ITIH2: variants seen among roughly 807,000 people sequenced by gnomAD.
ITIH2 encodes inter-alpha-trypsin inhibitor heavy chain 2.
Under a neutral mutation model 104.4 loss-of-function variants are expected in ITIH2, and 103 were observed. The ratio of observed to expected loss-of-function variants is 0.99; its 90% CI spans 0.84 to 1.16. The LOEUF is 1.16. ITIH2 is among the 50% of genes most tolerant of loss of function. The pLI is 0.00. For synonymous variants in ITIH2, 436 were observed against 435.4 expected (o/e 1.00, Z -0.02); for missense variants, 1,108 against 1,162.4 (o/e 0.95, Z 0.68).
intron 8 of ITIH2, among the ~76,000 whole-genome samples, chr10:7,723,250 C>T (rs546896714): frequency 1.1e-4 from 17 of 151,614 alleles, no homozygotes; most frequent in Admixed American, 5.9e-4. Flanking sequence ...TGGAGTGGAG[C>T]GGAATGTTCT....
intron 16 of ITIH2, among the ~76,000 whole-genome samples, chr10:7,740,479 G>GA (rs1835114042): frequency 6.6e-6 from 1 of 152,198 alleles, no homozygotes; most frequent in South Asian, 2.1e-4. Flanking sequence ...GTGCCTTTCT[G>GA]ACCAGCAGTT....
chr10:7,747,831 C>T (rs979005042), intron 20 of ITIH2, among the ~76,000 whole-genome samples: 1 of 151,648 alleles, frequency 6.6e-6, no homozygotes. Context: ...CCCAGGAGTT[C>T]GAGGATGAAG....
chr10:7,744,199 G>A lies in ITIH2; in HGVS notation c.2327G>A (p.Ser776Asn). The change falls in exon 18 of 21, where the codon AGC becomes AAC. Residue 776 changes from serine (S) to asparagine (N), a missense_variant. Coordinates refer to ENST00000358415, the MANE Select transcript of ITIH2 (RefSeq NM_002216.3). ...FQSEDIKIEISTETITLSHGS... is the reference protein window; with the variant it reads ...FQSEDIKIEINTETITLSHGS... ...AGTGAAGACATAAAAATAGAAATCA[G>A]CACTGAGACCATCACCCTGAGCCAT... 1 of 1,614,046 alleles carries A rather than the reference G, an allele frequency of 6.2e-7. No individual in the cohort carries two copies. The highest frequency in any genetic ancestry group is 8.5e-7 in the Non-Finnish European group (1 of 1,179,956).
At chr10:7,738,497 A>G (rs1835092995) in intron 15 of ITIH2, 124 bp from the exon 16 acceptor site, 2 of 1,088,178 alleles carry the variant, frequency 1.8e-6, no homozygotes, top group African/African-American at 1.6e-5. Context: ...TCTGGAATAA[A>G]AACAGAGGAG....
intron 7 of ITIH2, 70 bp downstream of exon 7, chr10:7,721,033 T>C (rs1429972012): frequency 1.0e-5 from 10 of 978,616 alleles, no homozygotes; most frequent in Middle Eastern, 2.3e-4. Flanking sequence ...TCTCCTTCTG[T>C]GCTCTGGAGA....
intron 12 of ITIH2, 25 bp from the exon 13 acceptor site, chr10:7,731,786 C>G (rs1389144511): frequency 1.8e-6 from 2 of 1,117,758 alleles, no homozygotes; most frequent in Non-Finnish European, 2.5e-6. Context: ...AACATAATTT[C>G]TCTCTCTCTC....
chr10:7,716,858 G>C (rs1834854621), intron 5 of ITIH2, among the ~76,000 whole-genome samples: 1 of 151,708 alleles, frequency 6.6e-6, no homozygotes, highest in African/African-American at 2.4e-5. Context: ...TATGGGAAGA[G>C]TGTTATCTTT....
intron 15 of ITIH2, among the ~76,000 whole-genome samples, chr10:7,738,248 A>ATTATATATTATATTCTAT (rs1564306126): frequency 1.1e-4 from 13 of 114,892 alleles, no homozygotes; most frequent in Middle Eastern, 4.1e-3. Flanking sequence ...TATTCTATAT[A>ATTATATATTATATTCTAT]ATATTATATA....
At chr10:7,734,504 G>T (rs997911806) in intron 14 of ITIH2, among the ~76,000 whole-genome samples, 11 of 152,196 alleles carry the variant, frequency 7.2e-5, no homozygotes, top group African/African-American at 2.7e-4. Flanking sequence ...AGACCAGCCT[G>T]GGCAACATGG....
At chr10:7,704,484 G>T (rs1224460310) in intron 1 of ITIH2, among the ~76,000 whole-genome samples, 1 of 152,256 alleles carries the variant, frequency 6.6e-6, no homozygotes, top group Non-Finnish European at 1.5e-5. Flanking sequence ...TATGGTTCAT[G>T]TCTGTCCAGT....
chr10:7,718,102 ACTCT>A (rs1442023904), intron 6 of ITIH2, among the ~76,000 whole-genome samples: 2 of 151,118 alleles, frequency 1.3e-5, no homozygotes, highest in Admixed American at 6.6e-5. Flanking sequence ...GCAGAGCTGC[ACTCT>A]CTCTCTCTGG....
intron 5 of ITIH2, among the ~76,000 whole-genome samples, chr10:7,715,681 CACA>C (rs972899951): frequency 1.3e-5 from 2 of 152,168 alleles, no homozygotes; most frequent in Non-Finnish European, 2.9e-5. Flanking sequence ...GCTGACTATC[CACA>C]ACAACTCCCC....
At chr10:7,737,431 G>C (rs1226345420) in intron 15 of ITIH2, among the ~76,000 whole-genome samples, 3 of 109,756 alleles carry the variant, frequency 2.7e-5, no homozygotes, top group African/African-American at 1.2e-4. Flanking sequence ...ATATATACAC[G>C]TGTATATATA....
chr10:7,708,639 C>T (rs115334741), intron 3 of ITIH2, among the ~76,000 whole-genome samples: 1,782 of 152,268 alleles, frequency 0.012, 35 homozygotes, highest in African/African-American at 0.041. Context: ...CTCTTTCAAC[C>T]TCGCAATCCA....
In ITIH2 at chr10:7,719,307, G is replaced by A. The variant is rs17142949; in HGVS notation, c.630+1519G>A. On this transcript the variant is annotated intron_variant, in intron 6 of 20. Transcript: ENST00000358415. ...TTGCGTGAATTGAAAAAAGATGCCC[G>A]TCCTTCAGGCAAATGCAGCGCCATC... Among the ~76,000 whole-genome samples the A allele has an allele frequency of 2.0e-3, 312 of 152,310 alleles. 1 individual carries two copies. Among genetic ancestry groups the A allele is most frequent in the African/African-American group, 6.8e-3 (284 of 41,554 alleles).
chr10:7,743,223 G>A lies in ITIH2; in HGVS notation c.2173G>A (p.Gly725Arg). The A allele has an allele frequency of 1.3e-6, 2 of 1,590,490 alleles. No homozygotes were observed. The highest frequency in any genetic ancestry group is 1.7e-6 in the Non-Finnish European group (2 of 1,168,764). Residue 725 changes from glycine (G) to arginine (R), a missense_variant, in exon 17 of 21, where the codon GGA (glycine) becomes AGA (arginine). Physicochemically the swap from Gly to Arg is moderately radical, Grantham distance 125. Coordinates refer to ENST00000358415, the MANE Select transcript of ITIH2 (RefSeq NM_002216.3). Reference sequence around the variant, plus strand: ...TTGTTTCAATATTGACTCAGAACCTGGAAAAATCCTCAACCTGGTTTCTGA... The same window carrying A: ...TTGTTTCAATATTGACTCAGAACCTAGAAAAATCCTCAACCTGGTTTCTGA... ...NICFNIDSEPGKILNLVSDPE... is the reference protein window; with the variant it reads ...NICFNIDSEPRKILNLVSDPE...
Position 7,705,102 on chromosome 10 carries a change from T to C in ITIH2, c.85-6T>C. On this transcript the variant is annotated splice_polypyrimidine_tract_variant and splice_region_variant and intron_variant, in intron 1 of 20. Coordinates refer to ENST00000358415, the MANE Select transcript of ITIH2 (RefSeq NM_002216.3). ...AAAAAAAGTTAAAATCCTAATTTTT[T>C]TTAAGTTTGTAGACTATGAAGATCT... 1 of 1,584,872 alleles carries C rather than the reference T, an allele frequency of 6.3e-7. No individual in the cohort carries two copies. The highest frequency in any genetic ancestry group is 2.2e-5 in the East Asian group (1 of 44,762).
chr10:7,733,361 G>A (rs1379269699), intron 14 of ITIH2, among the ~76,000 whole-genome samples: 1 of 150,642 alleles, frequency 6.6e-6, no homozygotes, highest in Non-Finnish European at 1.5e-5. Flanking sequence ...TTCCTAATGT[G>A]CTGGGATTAC....
chr10:7,749,121 A>C, intron 20 of ITIH2, 66 bp from the exon 21 acceptor site: 5 of 1,513,564 alleles, frequency 3.3e-6, no homozygotes, highest in Non-Finnish European at 4.5e-6. Context: ...ACAGCAAGGA[A>C]AAGAGGGAGT....
Sources: gnomAD v4.1 joint callset for allele counts (sites outside exome capture counted in the v4.1 genomes callset) on GRCh38, gnomAD v4.1.1 for gene constraint, MANE v1.5 for transcripts, NCBI Gene and HGNC (gene_info 2026-07-23, HGNC 2026-07-21) for gene names.